Variants in CLPTM1 observed in about 807,000 individuals in gnomAD.
The protein encoded by CLPTM1 is CLPTM1 regulator of GABA type A receptor forward trafficking.
CLPTM1 carries 21 observed loss-of-function variants against 77.3 expected under a neutral mutation model. The observed-to-expected ratio is 0.27, with a 90% CI of 0.19 to 0.39. The LOEUF is 0.39. Among genes scored for constraint, CLPTM1 ranks in the 10% least tolerant of loss-of-function variants. The probability of loss-of-function intolerance (pLI) is 1.00; values close to 1 mark genes in which losing one functional copy is unlikely to be tolerated. For missense variants in CLPTM1, 642 were observed against 921.2 expected (o/e 0.70, Z 3.92); for synonymous variants, 373 against 381.0 (o/e 0.98, Z 0.24).
chr19:44,972,905 TGTG>T (rs1309627874), intron 2 of CLPTM1, among the ~76,000 whole-genome samples, 179 bp from the exon 3 acceptor site: 2 of 152,128 alleles, frequency 1.3e-5, no homozygotes, highest in African/African-American at 4.8e-5. Flanking sequence ...CCTCCCCAGA[TGTG>T]GTCTTTAGGG....
intron 1 of CLPTM1, among the ~76,000 whole-genome samples, chr19:44,958,752 T>G (rs1199503964): frequency 6.6e-6 from 1 of 152,244 alleles, no homozygotes; most frequent in African/African-American, 2.4e-5. Context: ...TATGCAGTTG[T>G]GTGGTGCAGC....
chr19:44,992,988 G>A lies in CLPTM1; in HGVS notation c.*91G>A. The A allele has an allele frequency of 6.8e-7, 1 of 1,467,178 alleles. No homozygotes were observed. Among genetic ancestry groups the A allele is most frequent in the South Asian group, 1.2e-5 (1 of 83,444 alleles). The allele number at this position is 1,467,178 out of a possible 1,614,324, so 90.9% of individuals were successfully genotyped here. ...CTCCCCTCCCTGTCGCCCTTTCCCT[G>A]GACAGATCAGGCCGGGGCGGTGGGA... On this transcript the variant is annotated 3_prime_UTR_variant, in exon 14 of 14. Coordinates refer to ENST00000337392, the MANE Select transcript of CLPTM1 (RefSeq NM_001294.4). The surrounding 1 kb of genome is among the most constrained non-coding windows in gnomAD (Gnocchi z 7.7).
At chr19:44,955,593 A>C in intron 1 of CLPTM1, 126 bp downstream of exon 1, 1,514 of 728,806 alleles carry the variant, frequency 2.1e-3, no homozygotes, top group East Asian at 7.5e-3. Context: ...GACCTTGAAT[A>C]CCCGGCCCAG....
Position 44,955,483 on chromosome 19 carries a change from G to A in CLPTM1, c.72+16G>A. On this transcript the variant is annotated intron_variant, in intron 1 of 13. Transcript: ENST00000337392. Reference sequence around the variant, plus strand: ...CTCCGGTCAGGTACGGAGGCCGAGAGGGGACTGAGGGGGTTCTTCCCCAGC... The same window carrying A: ...CTCCGGTCAGGTACGGAGGCCGAGAAGGGACTGAGGGGGTTCTTCCCCAGC... The A allele has an allele frequency of 7.8e-7, 1 of 1,288,172 alleles. No individual in the cohort carries two copies. Among genetic ancestry groups the A allele is most frequent in the Non-Finnish European group, 9.8e-7 (1 of 1,015,758 alleles). 79.8% of individuals were successfully genotyped at this position (1,288,172 alleles called of 1,614,324 possible).
At position 44,991,750 on chromosome 19, in the gene CLPTM1, CAG is replaced by C. The variant is rs1312331822; in HGVS notation, c.1555+379_1555+380del. ...AAGACCCGATCTCTACAAAAAAACA[CAG>C]AAATTATTGGGGAGTGGTGGTGCGT... On this transcript the variant is annotated intron_variant, in intron 12 of 13. Transcript: ENST00000337392. The surrounding 1 kb of genome is among the most constrained non-coding windows in gnomAD (Gnocchi z 5.4). Among the ~76,000 whole-genome samples, 1 of 152,022 alleles carries C rather than the reference CAG, an allele frequency of 6.6e-6. No homozygotes were observed. The highest frequency in any genetic ancestry group is 1.5e-5 in the Non-Finnish European group (1 of 67,994).
chr19:44,974,404 C>G, intron 3 of CLPTM1, 35 bp from the exon 4 acceptor site: 2 of 1,584,128 alleles, frequency 1.3e-6, no homozygotes, highest in Non-Finnish European at 1.7e-6. Context: ...CTCTGAAGAG[C>G]AGGCCTGAGC....
At chr19:44,975,134 C>T (rs970479469) in intron 4 of CLPTM1, among the ~76,000 whole-genome samples, 10 of 152,218 alleles carry the variant, frequency 6.6e-5, no homozygotes, top group Non-Finnish European at 1.3e-4. Flanking sequence ...TGTGGACTCT[C>T]GCAGCCCTAG....
chr19:44,972,936 C>T, intron 2 of CLPTM1, 151 bp from the exon 3 acceptor site: 4 of 1,056,332 alleles, frequency 3.8e-6, no homozygotes, highest in Non-Finnish European at 5.6e-6. Context: ...ATCTCCTTGC[C>T]AGCCCTGTGA....
chr19:44,958,101 G>A (rs1287176092), intron 1 of CLPTM1, among the ~76,000 whole-genome samples: 1 of 152,188 alleles, frequency 6.6e-6, no homozygotes, highest in Non-Finnish European at 1.5e-5. Context: ...AAATAGGGTA[G>A]TCTAGAAGGC....
Position 44,991,049 on chromosome 19 carries a change from C to A in CLPTM1, c.1419+104C>A. ...TGTCTGCCGGACCCATGCTTTACAG[C>A]CTGTGCCACATCCTCTGTGTCCCCC... On this transcript the variant is annotated intron_variant, in intron 11 of 13. Transcript: ENST00000337392. This position sits in a 1 kb window ranked among gnomAD's most constrained non-coding sequence, Gnocchi z 5.4. 7.7e-7 allele frequency: 1 copy of A among 1,297,712 alleles called. No individual in the cohort carries two copies. The highest frequency in any genetic ancestry group is 1.1e-6 in the Non-Finnish European group (1 of 915,242). 80.4% of individuals were successfully genotyped at this position (1,297,712 alleles called of 1,614,324 possible). A position where few individuals can be genotyped will look rare whatever the true frequency, so the allele number is the denominator to read the frequency against.
intron 5 of CLPTM1, among the ~76,000 whole-genome samples, chr19:44,981,800 A>G (rs1970901467): frequency 6.6e-6 from 1 of 151,400 alleles, no homozygotes; most frequent in South Asian, 2.1e-4. Flanking sequence ...AATCCCAGCT[A>G]CTCGGGAGCC....
intron 7 of CLPTM1, 140 bp downstream of exon 7, chr19:44,986,715 C>A (rs754499341): frequency 9.3e-5 from 105 of 1,134,818 alleles, no homozygotes; most frequent in Non-Finnish European, 1.2e-4. Context: ...CCTGTCCTAT[C>A]CCCTTCCCAT....
At position 44,993,132 on chromosome 19, in the gene CLPTM1, A is replaced by C. The variant is rs1451417077; in HGVS notation, c.*235A>C. ...GTGTTTCCAGCCATCTCGCCCTGCC[A>C]GCCCAGCACCACTGGGAATCATGGT... On this transcript the variant is annotated 3_prime_UTR_variant, in exon 14 of 14. Coordinates refer to ENST00000337392, the MANE Select transcript of CLPTM1 (RefSeq NM_001294.4). 1 of 476,014 alleles carries C rather than the reference A, an allele frequency of 2.1e-6. No homozygotes were observed. Among genetic ancestry groups the C allele is most frequent in the Admixed American group, 2.3e-5 (1 of 44,298 alleles). The allele number at this position is 476,014 out of a possible 1,614,324, so 29.5% of individuals were successfully genotyped here. A position where few individuals can be genotyped will look rare whatever the true frequency, so the allele number is the denominator to read the frequency against.
At chr19:44,955,736 G>A (rs535661718) in intron 1 of CLPTM1, 14 of 365,198 alleles carry the variant, frequency 3.8e-5, no homozygotes, top group African/African-American at 1.7e-4. Flanking sequence ...GCTCGGAGGG[G>A]CGCAGGCTTG....
upstream of CLPTM1, chr19:44,955,259 G>C (rs2122223402): frequency 6.8e-7 from 1 of 1,479,600 alleles, no homozygotes; most frequent in Non-Finnish European, 8.9e-7. Context: ...TGGCCTTCCT[G>C]AGAGGCGTGG....
intron 1 of CLPTM1, among the ~76,000 whole-genome samples, chr19:44,960,048 A>C: frequency 6.6e-6 from 1 of 152,150 alleles, no homozygotes; most frequent in South Asian, 2.1e-4. Flanking sequence ...TGAAACCCAT[A>C]CTTGGACCCC....
chr19:44,975,775 G>C (rs1473967704), intron 4 of CLPTM1, among the ~76,000 whole-genome samples: 1 of 152,062 alleles, frequency 6.6e-6, no homozygotes, highest in Admixed American at 6.6e-5. Context: ...TGTTGGCCAG[G>C]TTGGCCTTGA....
chr19:44,984,892 C>G (rs1399858444), intron 5 of CLPTM1, among the ~76,000 whole-genome samples: 2 of 152,094 alleles, frequency 1.3e-5, no homozygotes, highest in Non-Finnish European at 1.5e-5. Context: ...TTTCACCATG[C>G]TGGCCAGGCT....
intron 5 of CLPTM1, among the ~76,000 whole-genome samples, chr19:44,978,640 A>C (rs1230820722): frequency 3.3e-5 from 5 of 152,064 alleles, no homozygotes; most frequent in Non-Finnish European, 7.3e-5. Flanking sequence ...CTCTGAAAAA[A>C]CAATAGTAAT....
Sources: gnomAD v4.1 joint callset for allele counts (sites outside exome capture counted in the v4.1 genomes callset) on GRCh38, gnomAD v4.1.1 for gene constraint, Gnocchi (gnomAD v3.1) non-coding constraint, MANE v1.5 for transcripts, NCBI Gene and HGNC (gene_info 2026-07-23, HGNC 2026-07-21) for gene names.